Variants in SLC35F4 observed in about 807,000 individuals in gnomAD.
SLC35F4 encodes the protein chromosome 14 open reading frame 36.
In SLC35F4, 24 loss-of-function variants were observed where a neutral mutation model predicts 44.2. The ratio of observed to expected loss-of-function variants is 0.54; its 90% CI spans 0.39 to 0.76. SLC35F4 has a LOEUF of 0.76. Ranked by LOEUF, SLC35F4 falls within the 30% of genes least tolerant of loss-of-function variation. The pLI is 0.00. For missense variants in SLC35F4, 562 were observed against 586.1 expected (o/e 0.96, Z 0.42); for synonymous variants, 238 against 223.6 (o/e 1.06, Z -0.57).
At chr14:57,799,046 T>A (rs757395458) in intron 1 of SLC35F4, among the ~76,000 whole-genome samples, 1 of 152,194 alleles carries the variant, frequency 6.6e-6, no homozygotes, top group Non-Finnish European at 1.5e-5. Flanking sequence ...GCAGCTGCGG[T>A]CCTCAGCGCT....
chr14:57,758,997 G>A (rs748274818), intron 1 of SLC35F4, among the ~76,000 whole-genome samples: 3 of 152,052 alleles, frequency 2.0e-5, no homozygotes, highest in Non-Finnish European at 4.4e-5. Context: ...ATCTAATTCT[G>A]TGACTGGTTT....
chr14:57,876,050 C>T (rs1312709346), intron 1 of SLC35F4, among the ~76,000 whole-genome samples: 6 of 152,108 alleles, frequency 3.9e-5, no homozygotes, highest in African/African-American at 7.2e-5. Flanking sequence ...CCTGCAACAA[C>T]GAGATTTGGT....
Position 57,566,455 on chromosome 14 carries a change from A to T in SLC35F4, c.1216+20T>A. On this transcript the variant is annotated intron_variant, in intron 7 of 7. Coordinates refer to ENST00000556826, the MANE Select transcript of SLC35F4 (RefSeq NM_001306087.2). ...GACTTGTAGTGGCCAGGATCTGCAC[A>T]TGTCACATGGTGCCTGTACCTGCAT... is the stretch of plus-strand genomic sequence containing the variant. 1 of 1,573,518 alleles carries T rather than the reference A, an allele frequency of 6.4e-7. No individual in the cohort carries two copies. The highest frequency in any genetic ancestry group is 2.3e-5 in the East Asian group (1 of 42,890).
chr14:57,842,165 T>A (rs1451032185), intron 1 of SLC35F4, among the ~76,000 whole-genome samples: 13 of 152,222 alleles, frequency 8.5e-5, no homozygotes, highest in Non-Finnish European at 1.3e-4. Flanking sequence ...ATAACATGGC[T>A]GATGGTTCAT....
chr14:57,663,189 G>A (rs1337456094), intron 1 of SLC35F4, among the ~76,000 whole-genome samples: 2 of 152,096 alleles, frequency 1.3e-5, no homozygotes, highest in Non-Finnish European at 2.9e-5. Flanking sequence ...GACTCTACCT[G>A]ATTCAGTTTT....
intron 1 of SLC35F4, among the ~76,000 whole-genome samples, chr14:57,860,181 G>A (rs1009583188): frequency 3.3e-5 from 5 of 152,116 alleles, no homozygotes; most frequent in African/African-American, 1.2e-4. Flanking sequence ...AGCGGGTAGA[G>A]TTCTTTTTGA....
chr14:57,579,276 GTCACCAC>G (rs1173669807), intron 4 of SLC35F4: 14 of 152,298 alleles, frequency 9.2e-5, no homozygotes, highest in African/African-American at 3.1e-4. Flanking sequence ...CTTTTTTGGA[GTCACCAC>G]TCAACCCACT....
At chr14:57,691,353 T>C (rs978156247) in intron 1 of SLC35F4, among the ~76,000 whole-genome samples, 2 of 152,162 alleles carry the variant, frequency 1.3e-5, no homozygotes, top group African/African-American at 4.8e-5. Context: ...GAAACTGCAG[T>C]CTGCAACCAA....
At chr14:57,677,561 G>A (rs976763998) in intron 1 of SLC35F4, among the ~76,000 whole-genome samples, 2 of 152,034 alleles carry the variant, frequency 1.3e-5, no homozygotes, top group Non-Finnish European at 2.9e-5. Flanking sequence ...TGACTACGAT[G>A]TTGAAGAAAT....
chr14:57,799,603 C>G (rs948798247), intron 1 of SLC35F4: 1 of 152,692 alleles, frequency 6.5e-6, no homozygotes, highest in African/African-American at 2.4e-5. Context: ...CTGAGACCGG[C>G]GGAGCTCCTG....
chr14:57,624,681 T>TA (rs915216239), intron 1 of SLC35F4, among the ~76,000 whole-genome samples: 1 of 152,164 alleles, frequency 6.6e-6, no homozygotes, highest in African/African-American at 2.4e-5. Flanking sequence ...ATCCAGCACA[T>TA]AAACAGAACC....
At chr14:57,595,829 C>T (rs1400651963) in intron 1 of SLC35F4, 2 of 152,194 alleles carry the variant, frequency 1.3e-5, no homozygotes, top group East Asian at 1.9e-4. Context: ...CCCTGCCCCA[C>T]TCCTGAAATT....
intron 1 of SLC35F4, among the ~76,000 whole-genome samples, chr14:57,956,515 G>A (rs897055852): frequency 4.6e-5 from 7 of 152,040 alleles, no homozygotes; most frequent in South Asian, 2.1e-4. Context: ...CCTACAGAAC[G>A]GGAGAAAATT....
intron 1 of SLC35F4, among the ~76,000 whole-genome samples, chr14:57,784,526 A>G (rs533479602): frequency 1.3e-5 from 2 of 152,224 alleles, no homozygotes; most frequent in South Asian, 2.1e-4. Context: ...TCTATAAAAA[A>G]AATTTTTTCT....
rs558192360 is a variant in SLC35F4 at position 57,860,321 on chromosome 14, G to A, written c.103+5402C>T. ...TATAGAAAAAACAAAAGGCCAACAGGTACAAAGGCACAAAACAAAGAGAGG... is the reference window on the plus strand; with the variant it reads ...TATAGAAAAAACAAAAGGCCAACAGATACAAAGGCACAAAACAAAGAGAGG... On this transcript the variant is annotated intron_variant, in intron 1 of 7. Coordinates refer to ENST00000556826, the MANE Select transcript of SLC35F4 (RefSeq NM_001306087.2). Among the ~76,000 whole-genome samples the A allele has an allele frequency of 2.6e-5, 4 of 152,154 alleles. No individual in the cohort carries two copies. The South Asian group carries it at 8.3e-4, about 32-fold the overall frequency.
At chr14:57,860,033 C>G (rs1198995984) in intron 1 of SLC35F4, among the ~76,000 whole-genome samples, 1 of 151,946 alleles carries the variant, frequency 6.6e-6, no homozygotes, top group Non-Finnish European at 1.5e-5. Flanking sequence ...ACAGACACAC[C>G]AAAGATGGTA....
chr14:57,834,143 AC>A (rs1422053074), intron 1 of SLC35F4, among the ~76,000 whole-genome samples: 2 of 152,248 alleles, frequency 1.3e-5, no homozygotes, highest in Non-Finnish European at 1.5e-5. Context: ...TTCCCAGAGA[AC>A]AAGTCATGAA....
chr14:57,601,623 A>C lies in SLC35F4; in HGVS notation c.104-7499T>G, dbSNP rs193258937. Among the ~76,000 whole-genome samples, 395 of 152,346 alleles carry C rather than the reference A, an allele frequency of 2.6e-3. 3 individuals are homozygous for C. The highest frequency in any genetic ancestry group is 9.1e-3 in the African/African-American group (377 of 41,580). ...TTTATCTAAAATCTATATCTGAAAG[A>C]AAGGAGTACTAATGGTTATATTTCT... On this transcript the variant is annotated intron_variant, in intron 1 of 7. Transcript: ENST00000556826.
At chr14:57,691,338 C>CA (rs1426122800) in intron 1 of SLC35F4, among the ~76,000 whole-genome samples, 1 of 152,062 alleles carries the variant, frequency 6.6e-6, no homozygotes. Flanking sequence ...CATTGAAGGT[C>CA]AAAGGAAACT....
Sources: allele counts gnomAD v4.1 joint callset (sites outside exome capture counted in the v4.1 genomes callset), GRCh38; gene constraint gnomAD v4.1.1; transcripts MANE v1.5; gene names NCBI Gene and HGNC (gene_info 2026-07-23, HGNC 2026-07-21).